GALNT7: variants seen among roughly 807,000 people sequenced by gnomAD.
GALNT7 encodes the protein N-acetylgalactosaminyltransferase 7.
A neutral mutation model predicts 82.1 loss-of-function variants in GALNT7; 60 were observed. The observed-to-expected ratio is 0.73, with a 90% CI of 0.59 to 0.91. GALNT7 has a LOEUF of 0.91. Among genes scored for constraint, GALNT7 ranks in the 40% least tolerant of loss-of-function variants. The pLI is 0.00. For missense variants in GALNT7, 660 were observed against 804.2 expected, an observed-to-expected ratio of 0.82 and a Z score of 2.17; for synonymous variants, 243 against 275.1, an observed-to-expected ratio of 0.88 and a Z score of 1.15.
chr4:173,276,953 C>G (rs1735933315), intron 2 of GALNT7, among the ~76,000 whole-genome samples: 1 of 152,134 alleles, frequency 6.6e-6, no homozygotes, highest in Non-Finnish European at 1.5e-5. Context: ...ATCTCTGTCT[C>G]TAGCTTACCT....
Position 173,321,835 on chromosome 4 carries a change from C to T in GALNT7, c.*118C>T. 1 of 642,146 alleles carries T rather than the reference C, an allele frequency of 1.6e-6. No homozygotes were observed. Among genetic ancestry groups the T allele is most frequent in the Non-Finnish European group, 2.7e-6 (1 of 367,770 alleles). The allele number at this position is 642,146 out of a possible 1,614,324, so 39.8% of individuals were successfully genotyped here. ...ACTCTGTATAGCTCCAAACCTGGAA[C>T]CTCCTGATCAGTTTGAAGGACATTG... On this transcript the variant is annotated 3_prime_UTR_variant, in exon 12 of 12. Transcript: ENST00000265000.
intron 1 of GALNT7, among the ~76,000 whole-genome samples, chr4:173,236,683 C>T (rs1579940877): frequency 6.6e-6 from 1 of 152,218 alleles, no homozygotes; most frequent in South Asian, 2.1e-4. Flanking sequence ...CCCCACCTTA[C>T]ATCCCCACCG....
chr4:173,255,455 G>A lies in GALNT7; in HGVS notation c.587+7015G>A, dbSNP rs116718987. On this transcript the variant is annotated intron_variant, in intron 2 of 11. Coordinates refer to ENST00000265000, the MANE Select transcript of GALNT7 (RefSeq NM_017423.3). ...GCCTGATAAAAAGTTATAAACTCAC[G>A]TTGCATTTATTGTATTTTCACAGAC... Among the ~76,000 whole-genome samples, 803 of 152,100 alleles carry A rather than the reference G, an allele frequency of 5.3e-3. 10 individuals carry two copies. Among genetic ancestry groups the A allele is most frequent in the African/African-American group, 0.019 (774 of 41,468 alleles).
rs576577093 is a variant in GALNT7 at position 173,252,887 on chromosome 4, C to T, written c.587+4447C>T. ...AATGTGGTTCAGAGGAGTGAGAGGT[C>T]AAGTTACAGGGGAGTCAGAAAAGGA... is the stretch of plus-strand genomic sequence containing the variant. On this transcript the variant is annotated intron_variant, in intron 2 of 11. Transcript: ENST00000265000. Among the ~76,000 whole-genome samples the T allele has an allele frequency of 1.1e-4, 17 of 152,120 alleles. No homozygotes were observed. The South Asian group carries it at 3.5e-3, about 32-fold the overall frequency.
At chr4:173,289,864 C>T (rs1452412412) in intron 2 of GALNT7, among the ~76,000 whole-genome samples, 2 of 152,100 alleles carry the variant, frequency 1.3e-5, no homozygotes, top group Admixed American at 6.6e-5. Flanking sequence ...TCAGGCAGAC[C>T]ATTTCTGCAG....
At chr4:173,258,349 G>A (rs936916667) in intron 2 of GALNT7, among the ~76,000 whole-genome samples, 2 of 152,180 alleles carry the variant, frequency 1.3e-5, no homozygotes, top group Non-Finnish European at 2.9e-5. Flanking sequence ...ACATAGAGTG[G>A]CCCAGAAAGG....
intron 1 of GALNT7, among the ~76,000 whole-genome samples, chr4:173,206,071 T>C (rs1283473171): frequency 6.6e-6 from 1 of 152,106 alleles, no homozygotes; most frequent in Non-Finnish European, 1.5e-5. Context: ...TGGGTGGGCC[T>C]GGAGCCTGTA....
rs553424335 is a variant in GALNT7 at position 173,199,940 on chromosome 4, A to G, written c.126+30979A>G. Among the ~76,000 whole-genome samples, 455 of 152,356 alleles carry G rather than the reference A, an allele frequency of 3.0e-3. 1 individual carries two copies. The highest frequency in any genetic ancestry group is 5.2e-3 in the Non-Finnish European group (353 of 68,034). On this transcript the variant is annotated intron_variant, in intron 1 of 11. Transcript: ENST00000265000. ...TGCACCATGTTCCTTTTGAATCAACAAAAGTTAAAGTCTTCCTGGAATAGT... is the reference window on the plus strand; with the variant it reads ...TGCACCATGTTCCTTTTGAATCAACGAAAGTTAAAGTCTTCCTGGAATAGT...
chr4:173,184,047 CG>C (rs1732380467), intron 1 of GALNT7, among the ~76,000 whole-genome samples: 1 of 151,482 alleles, frequency 6.6e-6, no homozygotes, highest in South Asian at 2.1e-4. Context: ...GATGGGCGGC[CG>C]GGCAGAGACG....
At chr4:173,296,147 T>C (rs1200882531) in intron 5 of GALNT7, among the ~76,000 whole-genome samples, 1 of 152,216 alleles carries the variant, frequency 6.6e-6, no homozygotes, top group Non-Finnish European at 1.5e-5. Context: ...TTGCTCCCTC[T>C]AAACTGGGGT....
chr4:173,224,271 A>C (rs897273508), intron 1 of GALNT7, among the ~76,000 whole-genome samples: 1 of 152,202 alleles, frequency 6.6e-6, no homozygotes, highest in South Asian at 2.1e-4. Context: ...CGTTTCGAGT[A>C]GATCTCACCA....
At chr4:173,321,523 G>C (rs915540643) in intron 11 of GALNT7, 57 bp from the exon 12 acceptor site, 1 of 1,263,888 alleles carries the variant, frequency 7.9e-7, no homozygotes, top group Admixed American at 1.8e-5. Flanking sequence ...GATGATTTCT[G>C]ATGTCAGTGA....
At chr4:173,298,034 T>C (rs1736784157) in intron 5 of GALNT7, 81 bp from the exon 6 acceptor site, 1 of 1,553,800 alleles carries the variant, frequency 6.4e-7, no homozygotes, top group African/African-American at 1.4e-5. Context: ...TCTTTTTTTT[T>C]TCTTCCCCAT....
At chr4:173,319,396 CCT>C (rs34146023) in intron 11 of GALNT7, among the ~76,000 whole-genome samples, 2,783 of 152,126 alleles carry the variant, frequency 0.018, 58 homozygotes, top group Non-Finnish European at 0.027. Context: ...CTTAACATTC[CCT>C]GTTACTGTCA....
At chr4:173,208,966 C>T (rs757975223) in intron 1 of GALNT7, among the ~76,000 whole-genome samples, 1 of 152,086 alleles carries the variant, frequency 6.6e-6, no homozygotes, top group African/African-American at 2.4e-5. Context: ...TTGTTCATTT[C>T]TAGAATTTAT....
chr4:173,183,428 G>A (rs973522803), intron 1 of GALNT7, among the ~76,000 whole-genome samples: 2 of 151,966 alleles, frequency 1.3e-5, no homozygotes, highest in Non-Finnish European at 2.9e-5. Context: ...CTGGCACAAG[G>A]CTCCTTTCTG....
intron 1 of GALNT7, among the ~76,000 whole-genome samples, chr4:173,202,966 A>G (rs1412300906): frequency 6.6e-6 from 1 of 152,122 alleles, no homozygotes; most frequent in Non-Finnish European, 1.5e-5. Context: ...ATCTGATACA[A>G]ATATAGCTAC....
At chr4:173,285,099 T>G (rs1158112896) in intron 2 of GALNT7, among the ~76,000 whole-genome samples, 1 of 152,252 alleles carries the variant, frequency 6.6e-6, no homozygotes, top group Non-Finnish European at 1.5e-5. Context: ...TTTCACAATT[T>G]GCTTAAACCT....
Position 173,295,798 on chromosome 4 carries a change from C to T in GALNT7, c.920C>T (p.Ala307Val). Residue 307 changes from alanine to valine, a missense_variant, in exon 5 of 12, where the codon GCA (alanine) becomes GTA (valine). By Grantham distance (64) the Ala-to-Val change is moderately conservative. Coordinates refer to ENST00000265000, the MANE Select transcript of GALNT7 (RefSeq NM_017423.3). ...TACCTTGATGCCCACTGTGAGGTGG[C>T]AGTTAACTGGTATGCACCACTTGTA... ...LIYLDAHCEV[A>V]VNWYAPLVAP... 1 of 1,610,352 alleles carries T rather than the reference C, an allele frequency of 6.2e-7. No homozygotes were observed. The highest frequency in any genetic ancestry group is 8.5e-7 in the Non-Finnish European group (1 of 1,176,672).
Sources: gnomAD v4.1 joint callset for allele counts (sites outside exome capture counted in the v4.1 genomes callset) on GRCh38, gnomAD v4.1.1 for gene constraint, MANE v1.5 for transcripts, NCBI Gene and HGNC (gene_info 2026-07-23, HGNC 2026-07-21) for gene names.